The following RYR2 variants were observed in gnomAD, a reference collection of about 807,000 sequenced individuals.
RYR2 encodes ryanodine receptor 2, also known as cardiac muscle ryanodine receptor-calcium release channel.
Under a neutral mutation model 601.1 loss-of-function variants are expected in RYR2, and 227 were observed. The ratio of observed to expected loss-of-function variants is 0.38; its 90% CI spans 0.34 to 0.42. RYR2 has a LOEUF of 0.42. RYR2 is among the 10% of genes least tolerant of loss of function. RYR2 has a pLI of 1.00. For missense variants in RYR2, 4,646 were observed against 6,156.5 expected (o/e 0.75, Z 8.21); for synonymous variants, 2,223 against 2,175.1 (o/e 1.02, Z -0.61).
intron 22 of RYR2, among the ~76,000 whole-genome samples, chr1:237,505,563 G>A (rs1424673969): frequency 6.6e-6 from 1 of 152,186 alleles, no homozygotes; most frequent in African/African-American, 2.4e-5. Context: ...ATTGCTAAAA[G>A]GTGGGAGGAT....
chr1:237,787,615 AAAAG>A (rs1657785269), intron 91 of RYR2, among the ~76,000 whole-genome samples: 2 of 151,456 alleles, frequency 1.3e-5, no homozygotes, highest in East Asian at 1.9e-4. Flanking sequence ...AAAAAAAAAA[AAAAG>A]GATTGAAATT....
At chr1:237,666,662 A>T (rs1174465048) in intron 57 of RYR2, 73 bp downstream of exon 57, 11 of 1,204,026 alleles carry the variant, frequency 9.1e-6, no homozygotes, top group East Asian at 5.1e-5. Context: ...GCTTTCCTGC[A>T]TATATTTGGC....
chr1:237,510,686 G>A (rs1380450559), intron 23 of RYR2, among the ~76,000 whole-genome samples: 1 of 152,160 alleles, frequency 6.6e-6, no homozygotes, highest in Non-Finnish European at 1.5e-5. Flanking sequence ...TGGTAATGAT[G>A]CTCATGAACT....
intron 19 of RYR2, among the ~76,000 whole-genome samples, chr1:237,495,055 C>T (rs1007160233): frequency 3.3e-5 from 5 of 152,136 alleles, no homozygotes; most frequent in Admixed American, 3.3e-4. Flanking sequence ...TCCCAAAGTG[C>T]TGGGATTACA....
intron 10 of RYR2, among the ~76,000 whole-genome samples, chr1:237,391,167 T>C (rs992419276): frequency 7.2e-5 from 11 of 152,144 alleles, no homozygotes; most frequent in Admixed American, 5.2e-4. Context: ...TCAACCTCCC[T>C]CTGTTATTTC....
intron 101 of RYR2, among the ~76,000 whole-genome samples, chr1:237,826,385 A>C (rs757780410): frequency 6.6e-6 from 1 of 152,194 alleles, no homozygotes; most frequent in Non-Finnish European, 1.5e-5. Context: ...TGAAGCTGGA[A>C]ACCATCATTC....
At chr1:237,759,710 G>T in intron 82 of RYR2, 66 bp from the exon 83 acceptor site, 1 of 969,858 alleles carries the variant, frequency 1.0e-6, no homozygotes, top group African/African-American at 1.6e-5. Context: ...TGTTTTGGTT[G>T]TTTATTTATT....
chr1:237,422,906 T>C (rs1170131488), intron 11 of RYR2, among the ~76,000 whole-genome samples, 186 bp from the exon 12 acceptor site: 1 of 152,252 alleles, frequency 6.6e-6, no homozygotes, highest in Non-Finnish European at 1.5e-5. Context: ...CGACTTTGTG[T>C]ATTACTTATC....
chr1:237,262,303 C>G (rs1688625197), intron 1 of RYR2, among the ~76,000 whole-genome samples: 1 of 125,208 alleles, frequency 8.0e-6, no homozygotes, highest in African/African-American at 2.9e-5. Context: ...TCGCCCAGGC[C>G]AGAGTGCAAT....
intron 10 of RYR2, among the ~76,000 whole-genome samples, chr1:237,402,111 T>C (rs1378023206): frequency 6.6e-6 from 1 of 152,130 alleles, no homozygotes; most frequent in Non-Finnish European, 1.5e-5. Context: ...ATATTTATGA[T>C]TATCTGGTGG....
intron 27 of RYR2, among the ~76,000 whole-genome samples, chr1:237,565,147 TTC>T (rs1559035299): frequency 7.6e-5 from 10 of 132,088 alleles, no homozygotes; most frequent in Admixed American, 1.6e-4. Context: ...TTCTTTTTCT[TTC>T]TTTCTTTCTC....
chr1:237,501,966 C>A (rs1163927808), intron 21 of RYR2, among the ~76,000 whole-genome samples: 2 of 151,906 alleles, frequency 1.3e-5, no homozygotes, highest in Non-Finnish European at 2.9e-5. Flanking sequence ...CACAGTGAGA[C>A]CCTATCTCTG....
At chr1:237,618,683 CCAAA>C (rs1678753232) in intron 38 of RYR2, among the ~76,000 whole-genome samples, 1 of 152,110 alleles carries the variant, frequency 6.6e-6, no homozygotes, top group Non-Finnish European at 1.5e-5. Flanking sequence ...ACTACTGAAG[CCAAA>C]AACCACAGAA....
chr1:237,552,106 T>C (rs1670461182), intron 27 of RYR2, among the ~76,000 whole-genome samples: 1 of 152,214 alleles, frequency 6.6e-6, no homozygotes, highest in African/African-American at 2.4e-5. Context: ...ACATAATATC[T>C]ATCTTGAGGT....
chr1:237,758,649 CTACTAAAATTT>C (rs1693157658), intron 82 of RYR2, among the ~76,000 whole-genome samples: 1 of 152,212 alleles, frequency 6.6e-6, no homozygotes, highest in African/African-American at 2.4e-5. Flanking sequence ...AAAAAGATTA[CTACTAAAATTT>C]AGTCTGCTTA....
chr1:237,696,655 C>T (rs569458446), intron 63 of RYR2, among the ~76,000 whole-genome samples: 5 of 150,600 alleles, frequency 3.3e-5, no homozygotes, highest in African/African-American at 7.3e-5. Flanking sequence ...CCACCCCCGC[C>T]GCATCCCCTT....
intron 5 of RYR2, among the ~76,000 whole-genome samples, chr1:237,368,798 C>G (rs965233404): frequency 7.3e-6 from 1 of 137,764 alleles, no homozygotes; most frequent in African/African-American, 2.7e-5. Context: ...GTTGAATCAA[C>G]GTTTATTTAT....
chr1:237,333,006 C>G (rs1696900181), intron 3 of RYR2, among the ~76,000 whole-genome samples: 1 of 152,112 alleles, frequency 6.6e-6, no homozygotes, highest in Non-Finnish European at 1.5e-5. Context: ...GTTTTCAAGA[C>G]ATTTATTAGT....
chr1:237,321,771 T>A (rs1695646912), intron 2 of RYR2, among the ~76,000 whole-genome samples: 1 of 152,192 alleles, frequency 6.6e-6, no homozygotes, highest in African/African-American at 2.4e-5. Flanking sequence ...TATTCTTATG[T>A]TGAATAAGTT....
Sources: gnomAD v4.1 joint callset for allele counts (sites outside exome capture counted in the v4.1 genomes callset) on GRCh38, gnomAD v4.1.1 for gene constraint, MANE v1.5 for transcripts, NCBI Gene and HGNC (gene_info 2026-07-23, HGNC 2026-07-21) for gene names.